PDE3A: variants seen among roughly 807,000 people sequenced by gnomAD.
PDE3A encodes the protein phosphodiesterase 3A.
PDE3A carries 43 observed loss-of-function variants against 98.3 expected under a neutral mutation model. The observed-to-expected ratio is 0.44, with a 90% CI of 0.34 to 0.56. The LOEUF is 0.56. Ranked by LOEUF, PDE3A falls within the 20% of genes least tolerant of loss-of-function variation. PDE3A has a pLI of 0.01. For synonymous variants in PDE3A, 663 were observed against 567.9 expected (o/e 1.17, Z -2.38); for missense variants, 1,427 against 1,440.7 (o/e 0.99, Z 0.15).
At chr12:20,441,781 C>A (rs1321504462) in intron 1 of PDE3A, among the ~76,000 whole-genome samples, 5 of 152,112 alleles carry the variant, frequency 3.3e-5, no homozygotes, top group African/African-American at 9.7e-5. Context: ...TCTCACCCAT[C>A]CCTCTCTTCA....
At chr12:20,591,056 A>C (rs192189766) in intron 2 of PDE3A, among the ~76,000 whole-genome samples, 59 of 152,324 alleles carry the variant, frequency 3.9e-4, no homozygotes, top group Admixed American at 3.3e-3. Flanking sequence ...GGTTTGCCTG[A>C]ATATGAATTA....
intron 1 of PDE3A, among the ~76,000 whole-genome samples, chr12:20,399,106 C>T (rs572174631): frequency 6.6e-6 from 1 of 152,238 alleles, no homozygotes; most frequent in South Asian, 2.1e-4. Flanking sequence ...GTTTACTTGG[C>T]ATAATGTCTT....
At chr12:20,601,966 C>T (rs1212877243) in intron 2 of PDE3A, among the ~76,000 whole-genome samples, 1 of 152,144 alleles carries the variant, frequency 6.6e-6, no homozygotes, top group Admixed American at 6.5e-5. Flanking sequence ...CAGACAAAGA[C>T]CAGCCCACAT....
Position 20,369,689 on chromosome 12 carries a change from G to C in PDE3A, c.405G>C (p.Leu135=). 1 of 1,611,246 alleles carries C rather than the reference G, an allele frequency of 6.2e-7. No individual in the cohort carries two copies. The highest frequency in any genetic ancestry group is 8.5e-7 in the Non-Finnish European group (1 of 1,179,394). Residue 135 remains leucine, a synonymous_variant, in exon 1 of 16, where the codon CTG becomes CTC. Coordinates refer to ENST00000359062, the MANE Select transcript of PDE3A (RefSeq NM_000921.5). ...GCCCCTGGCTGCAGCCCTCGGCGCT[G>C]CTCTTCAGTCTCCTGTGTGCCTTCT... The part of the protein sequence containing the change: ...RLSPWLQPSA[L]LFSLLCAFFW...
chr12:20,453,417 T>C (rs1004074126), intron 1 of PDE3A, among the ~76,000 whole-genome samples: 1 of 152,000 alleles, frequency 6.6e-6, no homozygotes, highest in African/African-American at 2.4e-5. Flanking sequence ...TGACCTCAGG[T>C]GATCTGCCCA....
chr12:20,564,421 A>G (rs1942606612), intron 2 of PDE3A, among the ~76,000 whole-genome samples: 1 of 152,192 alleles, frequency 6.6e-6, no homozygotes, highest in Admixed American at 6.5e-5. Context: ...TCAGGTTTTC[A>G]GGTTTCATCT....
chr12:20,622,088 GCTTAGTTT>G (rs1238675322), intron 5 of PDE3A, among the ~76,000 whole-genome samples: 2 of 151,964 alleles, frequency 1.3e-5, no homozygotes, highest in East Asian at 3.9e-4. Flanking sequence ...GTAACTTCCT[GCTTAGTTT>G]CTTAATCTTC....
chr12:20,565,502 G>A (rs552313694), intron 2 of PDE3A, among the ~76,000 whole-genome samples: 1 of 152,006 alleles, frequency 6.6e-6, no homozygotes, highest in South Asian at 2.1e-4. Flanking sequence ...TCTCATAGAA[G>A]ATTAAAATCT....
intron 2 of PDE3A, among the ~76,000 whole-genome samples, chr12:20,609,976 A>G (rs1451895843): frequency 6.6e-6 from 1 of 152,016 alleles, no homozygotes; most frequent in Non-Finnish European, 1.5e-5. Flanking sequence ...GCTCTCGGAC[A>G]TTGACCTTGG....
In PDE3A at chr12:20,552,187, G is replaced by T; in HGVS notation, c.961-4473G>T. ...CTGCTTTGCTCCCATCAATGACCAA[G>T]AAGGGGCCGAGGCCAAGGACTGGCG... On this transcript the variant is annotated intron_variant, in intron 1 of 15. Transcript: ENST00000359062. The surrounding 1 kb of genome is among the most constrained non-coding windows in gnomAD (Gnocchi z 5.1). 1 of 1,613,894 alleles carries T rather than the reference G, an allele frequency of 6.2e-7. No individual in the cohort carries two copies. Among genetic ancestry groups the T allele is most frequent in the Non-Finnish European group, 8.5e-7 (1 of 1,179,904 alleles).
intron 2 of PDE3A, among the ~76,000 whole-genome samples, chr12:20,578,585 C>A (rs1758954658): frequency 6.6e-6 from 1 of 151,628 alleles, no homozygotes; most frequent in African/African-American, 2.4e-5. Flanking sequence ...AGAAAAGAAC[C>A]CACACACCAT....
At chr12:20,653,359 G>A (rs531585198) in intron 14 of PDE3A, among the ~76,000 whole-genome samples, 36 of 151,418 alleles carry the variant, frequency 2.4e-4, no homozygotes, top group African/African-American at 8.7e-4. Flanking sequence ...TAAAAAAATT[G>A]TTCTCACTAT....
intron 2 of PDE3A, among the ~76,000 whole-genome samples, chr12:20,585,554 C>A (rs1489374531): frequency 2.0e-4 from 30 of 152,154 alleles, no homozygotes; most frequent in East Asian, 1.9e-4. Flanking sequence ...AACTGAGAGA[C>A]CTTTAGTAAG....
chr12:20,480,231 T>C (rs1945599127), intron 1 of PDE3A, among the ~76,000 whole-genome samples: 1 of 152,188 alleles, frequency 6.6e-6, no homozygotes, highest in Admixed American at 6.5e-5. Context: ...TGGCAGTTAG[T>C]GTCAATGCTA....
chr12:20,635,571 C>A (rs1944486857), intron 8 of PDE3A, among the ~76,000 whole-genome samples: 1 of 137,470 alleles, frequency 7.3e-6, no homozygotes, highest in Non-Finnish European at 1.6e-5. Flanking sequence ...GAGGGAGACT[C>A]TGTCTCAAAA....
chr12:20,584,180 A>G (rs1358996763), intron 2 of PDE3A, among the ~76,000 whole-genome samples: 1 of 152,236 alleles, frequency 6.6e-6, no homozygotes, highest in Non-Finnish European at 1.5e-5. Flanking sequence ...CCAGAAATTC[A>G]TTTTGTGAGG....
chr12:20,557,075 T>C, intron 2 of PDE3A: 1 of 229,690 alleles, frequency 4.4e-6, no homozygotes, highest in South Asian at 6.9e-5. Flanking sequence ...TTTGGTTAAA[T>C]ATTTTGAAAT....
intron 4 of PDE3A, among the ~76,000 whole-genome samples, chr12:20,618,230 T>C (rs995290903): frequency 6.6e-6 from 1 of 152,148 alleles, no homozygotes; most frequent in Admixed American, 6.6e-5. Flanking sequence ...GGGAAAACTA[T>C]TTATAAGTAA....
At chr12:20,567,447 A>C (rs1378071232) in intron 2 of PDE3A, among the ~76,000 whole-genome samples, 1 of 152,034 alleles carries the variant, frequency 6.6e-6, no homozygotes, top group Non-Finnish European at 1.5e-5. Context: ...TTTAATGTCC[A>C]TGATACCTTA....
Sources: gnomAD v4.1 joint callset for allele counts (sites outside exome capture counted in the v4.1 genomes callset) on GRCh38, gnomAD v4.1.1 for gene constraint, Gnocchi (gnomAD v3.1) non-coding constraint, MANE v1.5 for transcripts, NCBI Gene and HGNC (gene_info 2026-07-23, HGNC 2026-07-21) for gene names.